PSD3: variants seen among roughly 807,000 people sequenced by gnomAD.
PSD3 encodes the protein pleckstrin and Sec7 domain containing 3.
In PSD3, 49 loss-of-function variants were observed where a neutral mutation model predicts 105.5. The observed-to-expected ratio is 0.46, with a 90% CI of 0.37 to 0.59. The LOEUF is 0.59. Ranked by LOEUF, PSD3 falls within the 20% of genes least tolerant of loss-of-function variation. The pLI, the probability that PSD3 is intolerant of heterozygous loss-of-function variation, is 0.00. For missense variants in PSD3, 1,561 were observed against 1,263.8 expected, an observed-to-expected ratio of 1.24 and a Z score of -3.57; for synonymous variants, 557 against 457.8, an observed-to-expected ratio of 1.22 and a Z score of -2.77.
intron 14 of PSD3, among the ~76,000 whole-genome samples, chr8:18,561,375 C>A (rs1160468792): frequency 6.6e-6 from 1 of 152,088 alleles, no homozygotes; most frequent in East Asian, 1.9e-4. Flanking sequence ...GTAAGACCGG[C>A]ACAGAAAGAC....
At chr8:18,833,375 C>A (rs556361036) in intron 4 of PSD3, among the ~76,000 whole-genome samples, 1 of 152,132 alleles carries the variant, frequency 6.6e-6, no homozygotes, top group African/African-American at 2.4e-5. Flanking sequence ...AACACTTTTC[C>A]CTTTGCTTGA....
chr8:19,022,532 T>A (rs1827396064), intron 1 of PSD3, among the ~76,000 whole-genome samples: 1 of 152,202 alleles, frequency 6.6e-6, no homozygotes, highest in Non-Finnish European at 1.5e-5. Context: ...AGCAAGGGCT[T>A]CCCTAGTCCC....
chr8:18,893,367 T>C (rs975428762), intron 2 of PSD3, among the ~76,000 whole-genome samples: 1 of 152,128 alleles, frequency 6.6e-6, no homozygotes, highest in African/African-American at 2.4e-5. Flanking sequence ...TCACTAAGCA[T>C]CCAAATGGCA....
intron 11 of PSD3, among the ~76,000 whole-genome samples, chr8:18,624,888 T>C (rs1806368822): frequency 1.3e-5 from 2 of 152,024 alleles, no homozygotes; most frequent in African/African-American, 4.8e-5. Flanking sequence ...TTTGTAAATA[T>C]GTATGTATAT....
intron 12 of PSD3, among the ~76,000 whole-genome samples, chr8:18,588,932 T>G (rs1445863733): frequency 6.6e-6 from 1 of 152,154 alleles, no homozygotes; most frequent in East Asian, 1.9e-4. Context: ...ATGGAGTGGG[T>G]GGAAATCCGG....
intron 4 of PSD3, among the ~76,000 whole-genome samples, chr8:18,817,234 C>T (rs555070191): frequency 6.6e-6 from 1 of 152,320 alleles, no homozygotes; most frequent in South Asian, 2.1e-4. Context: ...CAACAATTTA[C>T]AAAAGGTTAT....
chr8:18,841,005 G>A (rs1489848192), intron 4 of PSD3, among the ~76,000 whole-genome samples: 1 of 152,134 alleles, frequency 6.6e-6, no homozygotes, highest in African/African-American at 2.4e-5. Flanking sequence ...ACTTGGTAAG[G>A]TTATTAGAAT....
upstream of PSD3, among the ~76,000 whole-genome samples, chr8:19,015,466 T>C (rs1461438411): frequency 6.6e-6 from 1 of 152,216 alleles, no homozygotes; most frequent in East Asian, 1.9e-4. Context: ...CCAGTGTGCC[T>C]ATTCCCAGTC....
chr8:18,758,560 A>G (rs1411741908), intron 9 of PSD3, among the ~76,000 whole-genome samples: 1 of 151,944 alleles, frequency 6.6e-6, no homozygotes, highest in Admixed American at 6.6e-5. Context: ...ACCCTTATAT[A>G]CAGCTGTAAC....
intron 1 of PSD3, among the ~76,000 whole-genome samples, chr8:18,997,495 C>A (rs1420931873): frequency 6.6e-6 from 1 of 151,974 alleles, no homozygotes; most frequent in Non-Finnish European, 1.5e-5. Flanking sequence ...CCGCTTCAGT[C>A]TATTCTCATG....
intron 1 of PSD3, among the ~76,000 whole-genome samples, chr8:18,968,639 G>A (rs962797816): frequency 3.3e-5 from 5 of 152,154 alleles, no homozygotes; most frequent in African/African-American, 9.7e-5. Context: ...CACTTTGGGA[G>A]ACCGAGGCAG....
Position 18,543,478 on chromosome 8 carries a change from C to T in PSD3, c.2929-7520G>A, listed in dbSNP as rs190127852. ...CAAAAATACAAAAAAATTAGCCAGG[C>T]GTGGTGGCAGGCGCCTGTAGTCCCA... On this transcript the variant is annotated intron_variant, in intron 15 of 15. Transcript: ENST00000327040. Among the ~76,000 whole-genome samples the T allele has an allele frequency of 7.6e-3, 1,158 of 152,058 alleles. 87 individuals are homozygous for T. In the East Asian group the frequency reaches 0.17, roughly 22 times the overall value.
chr8:18,958,171 G>C (rs541710939), intron 1 of PSD3, among the ~76,000 whole-genome samples: 4 of 152,190 alleles, frequency 2.6e-5, no homozygotes, highest in South Asian at 2.1e-4. Context: ...AAAAGAATGA[G>C]AAAAACCTTG....
chr8:18,685,070 C>T (rs1800591804), intron 9 of PSD3, among the ~76,000 whole-genome samples: 1 of 152,176 alleles, frequency 6.6e-6, no homozygotes, highest in African/African-American at 2.4e-5. Context: ...AATAACAAAA[C>T]TTAAACATTG....
At chr8:18,675,649 C>T (rs1468297573) in intron 9 of PSD3, among the ~76,000 whole-genome samples, 3 of 152,046 alleles carry the variant, frequency 2.0e-5, no homozygotes, top group Non-Finnish European at 2.9e-5. Context: ...AGGTGATCTA[C>T]GTGTCCAAAC....
chr8:18,548,995 G>A (rs1237842168), intron 15 of PSD3, among the ~76,000 whole-genome samples: 1 of 152,124 alleles, frequency 6.6e-6, no homozygotes, highest in Non-Finnish European at 1.5e-5. Flanking sequence ...CTCTTAGGCA[G>A]CATCCTACAC....
At chr8:19,062,473 A>G (rs1828936140) in intron 1 of PSD3, among the ~76,000 whole-genome samples, 1 of 152,218 alleles carries the variant, frequency 6.6e-6, no homozygotes, top group African/African-American at 2.4e-5. Flanking sequence ...TAAGAACAGC[A>G]AGAGACCACT....
chr8:18,837,429 G>A (rs1327588746), intron 4 of PSD3, among the ~76,000 whole-genome samples: 1 of 152,086 alleles, frequency 6.6e-6, no homozygotes, highest in Non-Finnish European at 1.5e-5. Flanking sequence ...CTATGCATAC[G>A]CCAAGCTCAA....
intron 10 of PSD3, among the ~76,000 whole-genome samples, chr8:18,635,043 A>G (rs1807157112): frequency 6.6e-6 from 1 of 152,162 alleles, no homozygotes; most frequent in African/African-American, 2.4e-5. Flanking sequence ...GTATGGACAC[A>G]TGGATATTTG....
Sources: allele counts gnomAD v4.1 joint callset (sites outside exome capture counted in the v4.1 genomes callset), GRCh38; gene constraint gnomAD v4.1.1; transcripts MANE v1.5; gene names NCBI Gene and HGNC (gene_info 2026-07-23, HGNC 2026-07-21).